The following TRHDE variants were observed in gnomAD, a reference collection of about 807,000 sequenced individuals.
The protein encoded by TRHDE is thyrotropin-releasing hormone-degrading ectoenzyme.
TRHDE carries 72 observed loss-of-function variants against 125.7 expected under a neutral mutation model. That is an observed-to-expected ratio of 0.57 (90% confidence interval 0.47 to 0.70). TRHDE has a LOEUF of 0.70. Ranked by LOEUF, TRHDE falls within the 30% of genes least tolerant of loss-of-function variation. TRHDE has a pLI of 0.00. For synonymous variants in TRHDE, 509 were observed against 509.1 expected (o/e 1.00, Z 0.00); for missense variants, 1,110 against 1,327.1 (o/e 0.84, Z 2.54).
intron 2 of TRHDE, among the ~76,000 whole-genome samples, chr12:72,368,678 C>T (rs2135760396): frequency 6.6e-6 from 1 of 152,256 alleles, no homozygotes; most frequent in African/African-American, 2.4e-5. Context: ...AGTGACCTGA[C>T]CCTTAATAGA....
intron 2 of TRHDE, among the ~76,000 whole-genome samples, chr12:72,215,420 G>A (rs1301099483): frequency 1.3e-5 from 2 of 152,170 alleles, no homozygotes; most frequent in East Asian, 3.9e-4. Context: ...GGTCACAGGG[G>A]ATGCGATGGC....
At chr12:72,308,235 C>T (rs542085264) in intron 2 of TRHDE, among the ~76,000 whole-genome samples, 31 of 151,844 alleles carry the variant, frequency 2.0e-4, no homozygotes, top group African/African-American at 7.0e-4. Context: ...ATTGGTACTT[C>T]GTGTGCATGT....
chr12:72,237,684 T>C (rs1470177909), intron 2 of TRHDE, among the ~76,000 whole-genome samples: 2 of 152,176 alleles, frequency 1.3e-5, no homozygotes, highest in East Asian at 3.9e-4. Flanking sequence ...GCTTCCTCTT[T>C]GCCTATGGCC....
chr12:72,310,714 A>G (rs1868504015), intron 2 of TRHDE, among the ~76,000 whole-genome samples: 1 of 152,156 alleles, frequency 6.6e-6, no homozygotes, highest in Admixed American at 6.6e-5. Context: ...AGCCATTTAA[A>G]TTCCTAATTA....
chr12:72,639,743 C>A (rs1174792541), intron 15 of TRHDE, among the ~76,000 whole-genome samples: 1 of 152,006 alleles, frequency 6.6e-6, no homozygotes, highest in Non-Finnish European at 1.5e-5. Flanking sequence ...AGCTGCAGGT[C>A]TGTTGGAGTA....
At chr12:72,250,687 G>A (rs549809602) in intron 2 of TRHDE, among the ~76,000 whole-genome samples, 1 of 151,872 alleles carries the variant, frequency 6.6e-6, no homozygotes, top group African/African-American at 2.4e-5. Context: ...TCTAAGAAAG[G>A]CTTCAGAGTA....
chr12:72,362,280 T>C (rs1031717769), intron 2 of TRHDE, among the ~76,000 whole-genome samples: 13 of 150,648 alleles, frequency 8.6e-5, no homozygotes, highest in East Asian at 6.0e-4. Context: ...TGGTATCTCA[T>C]TGTGGTTTTC....
chr12:72,101,625 C>T (rs1204014555), intron 1 of TRHDE, among the ~76,000 whole-genome samples: 4 of 152,162 alleles, frequency 2.6e-5, no homozygotes, highest in African/African-American at 7.2e-5. Flanking sequence ...CCTGGCATTG[C>T]ATTCGATTTG....
intron 2 of TRHDE, among the ~76,000 whole-genome samples, chr12:72,159,265 A>G (rs967310524): frequency 6.6e-6 from 1 of 152,228 alleles, no homozygotes; most frequent in Non-Finnish European, 1.5e-5. Flanking sequence ...ATAAAAACAA[A>G]AACAACAATA....
chr12:72,158,346 AAT>A (rs1876564634), intron 2 of TRHDE, among the ~76,000 whole-genome samples: 1 of 151,448 alleles, frequency 6.6e-6, no homozygotes, highest in Non-Finnish European at 1.5e-5. Context: ...GTATATATAT[AAT>A]ATATATGTTT....
chr12:72,248,226 T>C (rs1411249300), intron 2 of TRHDE, among the ~76,000 whole-genome samples: 1 of 152,112 alleles, frequency 6.6e-6, no homozygotes, highest in African/African-American at 2.4e-5. Flanking sequence ...GAGATCATCC[T>C]GGCCAACATG....
rs1317698627 is a variant in TRHDE at position 72,570,424 on chromosome 12, T to TA, written c.2131+1769dup. On this transcript the variant is annotated intron_variant, in intron 10 of 18. Transcript: ENST00000261180. ...GATGAAACTCCATCTCTACTAAAAATACAGAAATTAGCTGGGCATGGTGGT... is the reference window on the plus strand; with the variant it reads ...GATGAAACTCCATCTCTACTAAAAATAACAGAAATTAGCTGGGCATGGTGGT... Among the ~76,000 whole-genome samples, 5 of 151,772 alleles carry TA rather than the reference T, an allele frequency of 3.3e-5. No homozygotes were observed. The East Asian group carries it at 9.7e-4, about 29-fold the overall frequency.
chr12:72,398,583 T>G (rs1382697959), intron 3 of TRHDE, among the ~76,000 whole-genome samples: 1 of 152,250 alleles, frequency 6.6e-6, no homozygotes, highest in Admixed American at 6.5e-5. Flanking sequence ...AAATATGCAT[T>G]AGATAAGAGA....
At chr12:72,327,822 TA>T (rs5799074) in intron 2 of TRHDE, among the ~76,000 whole-genome samples, 9,135 of 151,748 alleles carry the variant, frequency 0.06, 769 homozygotes, top group East Asian at 0.47. Flanking sequence ...CTGTAAATGT[TA>T]AAAAAAAATC....
At chr12:72,383,633 TC>T (rs1872284504) in intron 3 of TRHDE, among the ~76,000 whole-genome samples, 1 of 151,802 alleles carries the variant, frequency 6.6e-6, no homozygotes, top group African/African-American at 2.4e-5. Context: ...TGCCTTGGCC[TC>T]CCAAAGTGCT....
intron 2 of TRHDE, among the ~76,000 whole-genome samples, chr12:72,374,085 G>A (rs754973400): frequency 6.6e-6 from 1 of 152,142 alleles, no homozygotes; most frequent in Non-Finnish European, 1.5e-5. Flanking sequence ...GCATGGACCA[G>A]GGTGGTAGTA....
intron 7 of TRHDE, among the ~76,000 whole-genome samples, chr12:72,544,025 T>G (rs1381468101): frequency 6.6e-6 from 1 of 151,306 alleles, no homozygotes; most frequent in African/African-American, 2.4e-5. Context: ...ATACTTGATA[T>G]GGTTAATTTT....
rs1197409646 is a variant in TRHDE at position 72,668,842 on chromosome 12, A to G, written c.*5647A>G. 6.6e-6 allele frequency: 1 copy of G among 151,864 alleles called. No homozygotes were observed. Among genetic ancestry groups the G allele is most frequent in the South Asian group, 2.1e-4 (1 of 4,830 alleles). 9.4% of individuals were successfully genotyped at this position (151,864 alleles called of 1,614,324 possible). A position where few individuals can be genotyped will look rare whatever the true frequency, so the allele number is the denominator to read the frequency against. Reference sequence around the variant, plus strand: ...ACTGAAGCCTTATATAGCTCAAACTAGTCATTAATCTGCCCTCAGCATGTA... The same window carrying G: ...ACTGAAGCCTTATATAGCTCAAACTGGTCATTAATCTGCCCTCAGCATGTA... On this transcript the variant is annotated 3_prime_UTR_variant, in exon 19 of 19. Transcript: ENST00000261180.
chr12:72,451,469 G>C (rs372297501), intron 3 of TRHDE, among the ~76,000 whole-genome samples: 3 of 152,132 alleles, frequency 2.0e-5, no homozygotes, highest in Non-Finnish European at 4.4e-5. Context: ...TCCCTATTTT[G>C]TTCTATTGGT....
Sources: allele counts gnomAD v4.1 joint callset (sites outside exome capture counted in the v4.1 genomes callset), GRCh38; gene constraint gnomAD v4.1.1; transcripts MANE v1.5; gene names NCBI Gene and HGNC (gene_info 2026-07-23, HGNC 2026-07-21).